The following TSHZ3 variants were observed in gnomAD, a reference collection of about 807,000 sequenced individuals.
TSHZ3 encodes the protein teashirt zinc finger homeobox 3.
TSHZ3 carries 10 observed loss-of-function variants against 64.5 expected under a neutral mutation model. The ratio of observed to expected loss-of-function variants is 0.16; its 90% CI spans 0.10 to 0.26. The LOEUF is 0.26. Ranked by LOEUF, TSHZ3 falls within the 10% of genes least tolerant of loss-of-function variation. The pLI, the probability that TSHZ3 is intolerant of heterozygous loss-of-function variation, is 1.00. For synonymous variants in TSHZ3, 608 were observed against 593.1 expected, an observed-to-expected ratio of 1.03 and a Z score of -0.36; for missense variants, 1,242 against 1,421.7, an observed-to-expected ratio of 0.87 and a Z score of 2.03.
At chr19:31,327,244 C>T (rs1304359848) in intron 1 of TSHZ3, among the ~76,000 whole-genome samples, 1 of 152,212 alleles carries the variant, frequency 6.6e-6, no homozygotes, top group African/African-American at 2.4e-5. Flanking sequence ...ACCTGTAGCT[C>T]GAGGTTCTAG....
At chr19:31,266,213 C>T (rs564500401) in intron 1 of TSHZ3, among the ~76,000 whole-genome samples, 22 of 152,274 alleles carry the variant, frequency 1.4e-4, no homozygotes, top group Non-Finnish European at 2.4e-4. Flanking sequence ...AGGAGAGAGA[C>T]TGTATCTCTC....
chr19:31,345,471 T>A (rs547668220), intron 1 of TSHZ3, among the ~76,000 whole-genome samples: 1 of 152,300 alleles, frequency 6.6e-6, no homozygotes, highest in Admixed American at 6.5e-5. Flanking sequence ...ACTGGCAACA[T>A]GGAACCCCCT....
At chr19:31,292,801 T>A (rs900154430) in intron 1 of TSHZ3, among the ~76,000 whole-genome samples, 13 of 148,800 alleles carry the variant, frequency 8.7e-5, no homozygotes, top group African/African-American at 3.0e-4. Flanking sequence ...AACATATCCA[T>A]CCATCCAAAC....
chr19:31,235,436 A>G (rs1975594611), intron 3 of TSHZ3, among the ~76,000 whole-genome samples: 1 of 151,928 alleles, frequency 6.6e-6, no homozygotes. Flanking sequence ...AAGTGAGATC[A>G]TGCAGTATCT....
chr19:31,314,089 T>C (rs570723454), intron 1 of TSHZ3, among the ~76,000 whole-genome samples: 17 of 152,154 alleles, frequency 1.1e-4, no homozygotes, highest in East Asian at 3.9e-4. Flanking sequence ...CCGGATGCAA[T>C]TGGAAGATGC....
exon 7 of TSHZ3, among the ~76,000 whole-genome samples, chr19:31,150,860 C>T (rs1974229296): frequency 6.6e-6 from 1 of 152,156 alleles, no homozygotes; most frequent in Non-Finnish European, 1.5e-5. Context: ...CTTGTCCCTG[C>T]TCATCCTCAG....
At chr19:31,150,717 T>G (rs1236813545) in exon 7 of TSHZ3, among the ~76,000 whole-genome samples, 1 of 152,196 alleles carries the variant, frequency 6.6e-6, no homozygotes, top group Non-Finnish European at 1.5e-5. Context: ...AAAGGGCTAT[T>G]TAGCCACCTG....
At chr19:31,324,076 G>A (rs192889999) in intron 1 of TSHZ3, among the ~76,000 whole-genome samples, 15 of 152,260 alleles carry the variant, frequency 9.9e-5, no homozygotes, top group Admixed American at 2.0e-4. Flanking sequence ...ATTTGATGCT[G>A]GCTCTCCGCC....
chr19:31,250,787 G>T (rs1975829382), intron 1 of TSHZ3, among the ~76,000 whole-genome samples: 1 of 152,186 alleles, frequency 6.6e-6, no homozygotes, highest in South Asian at 2.1e-4. Flanking sequence ...GCTTAGCACT[G>T]AGCCTGACAC....
At chr19:31,184,692 G>A (rs1974775271) in intron 5 of TSHZ3, among the ~76,000 whole-genome samples, 1 of 152,218 alleles carries the variant, frequency 6.6e-6, no homozygotes, top group Non-Finnish European at 1.5e-5. Flanking sequence ...GCACTTTGCA[G>A]AGTTTTGCTA....
In TSHZ3 at chr19:31,211,997, TAAAC is replaced by T. The variant is rs542757617; in HGVS notation, n.687-6923_687-6920del. Reference sequence around the variant, plus strand: ...AGTAGATTGAGGCTTTTAAGCCTTTTAAACAAACAAACAAACAAATCCTTGAGAG... The same window carrying T: ...AGTAGATTGAGGCTTTTAAGCCTTTTAAACAAACAAACAAATCCTTGAGAG... On this transcript the variant is annotated intron_variant and non_coding_transcript_variant, in intron 4 of 6. Transcript: ENST00000651361. 1.2e-4 allele frequency among the ~76,000 whole-genome samples: 19 copies of T among 152,258 alleles called. No individual in the cohort carries two copies. In the East Asian group the frequency reaches 3.5e-3, roughly 28 times the overall value.
chr19:31,256,189 A>G (rs544841014), intron 1 of TSHZ3, among the ~76,000 whole-genome samples: 4 of 152,266 alleles, frequency 2.6e-5, no homozygotes, highest in South Asian at 4.1e-4. Context: ...GGAGAGAGAC[A>G]GGGAACACAG....
intron 4 of TSHZ3, among the ~76,000 whole-genome samples, chr19:31,220,662 G>C (rs1184052111): frequency 6.6e-6 from 1 of 152,072 alleles, no homozygotes; most frequent in Non-Finnish European, 1.5e-5. Flanking sequence ...TATTCAGCTG[G>C]CAGGTAAGGA....
chr19:31,350,674 A>T (rs2021694449), upstream of TSHZ3, among the ~76,000 whole-genome samples: 1 of 150,972 alleles, frequency 6.6e-6, no homozygotes, highest in South Asian at 2.1e-4. Flanking sequence ...GGCAAGAAGG[A>T]GCTGGCTGGG....
rs1368200239 is a variant in TSHZ3, at chr19:31,222,801, C to G, written n.686+5204G>C. The stretch of plus-strand genomic sequence containing the variant: ...CCTGGGAATCTCGTCTCTTGTCCTT[C>G]TCCATTTCTATTTTGCCATATAAAC... On this transcript the variant is annotated intron_variant and non_coding_transcript_variant, in intron 4 of 6. Transcript: ENST00000651361. Among the ~76,000 whole-genome samples, 93 of 152,314 alleles carry G rather than the reference C, an allele frequency of 6.1e-4. 2 individuals are homozygous for G. In the East Asian group the frequency reaches 0.017, roughly 28 times the overall value.
At chr19:31,179,754 G>T (rs1974676847) in intron 5 of TSHZ3, among the ~76,000 whole-genome samples, 1 of 151,606 alleles carries the variant, frequency 6.6e-6, no homozygotes. Context: ...TGGTGATGGT[G>T]GTGGTGATGG....
rs146266325 is a variant in TSHZ3 at position 31,278,443 on chromosome 19, G to A, written c.1350C>T (p.Thr450=). 145 of 1,614,176 alleles carry A rather than the reference G, an allele frequency of 9.0e-5. 2 individuals carry two copies. The Middle Eastern group carries it at 1.6e-3, about 18-fold the overall frequency. Residue 450 remains threonine (T), a synonymous_variant, in exon 2 of 2, where the codon ACC becomes ACT. Coordinates refer to ENST00000240587, the MANE Select transcript of TSHZ3 (RefSeq NM_020856.4). This position sits in a 1 kb window ranked among gnomAD's most constrained non-coding sequence, Gnocchi z 4.7. ...GTGTATTGGAGGGGGACGTGAAGGT[G>A]GTGGCTGCCAGGGGCACGGACTGGA... ...EKVQSVPLAA[T]TFTSPSNTPA...
At chr19:31,219,600 C>A (rs1368324375) in intron 4 of TSHZ3, among the ~76,000 whole-genome samples, 1 of 151,968 alleles carries the variant, frequency 6.6e-6, no homozygotes, top group Non-Finnish European at 1.5e-5. Flanking sequence ...GAAATGTGGC[C>A]TGTGCAATGG....
At chr19:31,304,100 G>A (rs186657721) in intron 1 of TSHZ3, among the ~76,000 whole-genome samples, 64 of 152,044 alleles carry the variant, frequency 4.2e-4, no homozygotes, top group African/African-American at 1.5e-3. Context: ...TCAGCCTCCT[G>A]AGTAGCTGGG....
Sources: gnomAD v4.1 joint callset for allele counts (sites outside exome capture counted in the v4.1 genomes callset) on GRCh38, gnomAD v4.1.1 for gene constraint, Gnocchi (gnomAD v3.1) non-coding constraint, MANE v1.5 for transcripts, NCBI Gene and HGNC (gene_info 2026-07-23, HGNC 2026-07-21) for gene names.